MAPK8: variants seen among roughly 807,000 people sequenced by gnomAD.
The protein encoded by MAPK8 is mitogen-activated protein kinase 8.
MAPK8 carries 13 observed loss-of-function variants against 52.9 expected under a neutral mutation model. The ratio of observed to expected loss-of-function variants is 0.25; its 90% confidence interval spans 0.16 to 0.39. MAPK8 has a LOEUF of 0.39. Ranked by LOEUF, MAPK8 falls within the 10% of genes least tolerant of loss-of-function variation. The pLI is 1.00. For missense variants in MAPK8, 300 were observed against 519.2 expected (o/e 0.58, Z 4.10); for synonymous variants, 191 against 169.8 (o/e 1.12, Z -0.97).
intron 1 of MAPK8, among the ~76,000 whole-genome samples, chr10:48,323,065 C>T (rs1843142791): frequency 6.6e-6 from 1 of 151,860 alleles, no homozygotes; most frequent in African/African-American, 2.4e-5. Context: ...TCAGTTTTTC[C>T]TGAGGGTAAG....
chr10:48,367,668 C>G (rs1015619710), intron 1 of MAPK8, among the ~76,000 whole-genome samples: 1 of 152,066 alleles, frequency 6.6e-6, no homozygotes, highest in African/African-American at 2.4e-5. Context: ...AATCTGTAAA[C>G]TTGATGTTTC....
chr10:48,318,332 C>T (rs1008230938), intron 1 of MAPK8, among the ~76,000 whole-genome samples: 3 of 152,192 alleles, frequency 2.0e-5, no homozygotes, highest in Admixed American at 6.5e-5. Context: ...AATACCTTCA[C>T]AGCAACTACA....
At chr10:48,386,093 A>G (rs2041295516) in intron 1 of MAPK8, among the ~76,000 whole-genome samples, 1 of 152,158 alleles carries the variant, frequency 6.6e-6, no homozygotes, top group Non-Finnish European at 1.5e-5. Context: ...GCTATTCTTA[A>G]TTTGCAGTTT....
chr10:48,367,678 C>T (rs951353313), intron 1 of MAPK8, among the ~76,000 whole-genome samples: 4 of 152,008 alleles, frequency 2.6e-5, no homozygotes, highest in African/African-American at 7.2e-5. Context: ...CTTGATGTTT[C>T]GTAGTTGACA....
chr10:48,385,301 C>T (rs1357941331), intron 1 of MAPK8, among the ~76,000 whole-genome samples: 2 of 152,138 alleles, frequency 1.3e-5, no homozygotes, highest in African/African-American at 4.8e-5. Flanking sequence ...TCATAACCCT[C>T]ATGTTTAGTT....
At chr10:48,387,220 G>T (rs180696711) in intron 1 of MAPK8, among the ~76,000 whole-genome samples, 7 of 152,280 alleles carry the variant, frequency 4.6e-5, no homozygotes, top group Admixed American at 3.3e-4. Flanking sequence ...TAGTATACCT[G>T]CTAGAAAGAA....
intron 1 of MAPK8, among the ~76,000 whole-genome samples, chr10:48,321,766 T>C (rs1843018696): frequency 6.6e-6 from 1 of 152,212 alleles, no homozygotes; most frequent in African/African-American, 2.4e-5. Flanking sequence ...TTGAAAATAC[T>C]GTTCTTTCTT....
chr10:48,415,184 TC>T (rs1404877299), intron 5 of MAPK8, among the ~76,000 whole-genome samples: 1 of 152,170 alleles, frequency 6.6e-6, no homozygotes, highest in Non-Finnish European at 1.5e-5. Flanking sequence ...TATTTTATCT[TC>T]CTGAGCCCCT....
chr10:48,314,909 A>G (rs1402957083), intron 1 of MAPK8, among the ~76,000 whole-genome samples: 1 of 152,088 alleles, frequency 6.6e-6, no homozygotes, highest in Non-Finnish European at 1.5e-5. Context: ...TCTTCACCAG[A>G]TATCCATCCA....
chr10:48,310,755 A>G (rs370745681), intron 1 of MAPK8, among the ~76,000 whole-genome samples: 90 of 146,566 alleles, frequency 6.1e-4, no homozygotes, highest in Non-Finnish European at 1.2e-3. Context: ...GTGTGTGTGT[A>G]TGTGTGTATA....
At chr10:48,383,862 A>G (rs1226053588) in intron 1 of MAPK8, among the ~76,000 whole-genome samples, 3 of 152,214 alleles carry the variant, frequency 2.0e-5, no homozygotes, top group Non-Finnish European at 4.4e-5. Context: ...AGGTTCTTCT[A>G]AAGGGATGAC....
chr10:48,386,072 A>G (rs901634210), intron 1 of MAPK8, among the ~76,000 whole-genome samples: 1 of 152,142 alleles, frequency 6.6e-6, no homozygotes, highest in Non-Finnish European at 1.5e-5. Flanking sequence ...CATCTGGGAC[A>G]CTTCTCATTT....
At chr10:48,409,707 C>A (rs910752812) in intron 3 of MAPK8, among the ~76,000 whole-genome samples, 172 bp from the exon 4 acceptor site, 1 of 152,194 alleles carries the variant, frequency 6.6e-6, no homozygotes, top group Non-Finnish European at 1.5e-5. Context: ...CCTCCTCCAA[C>A]TCCTGCCCAT....
intron 2 of MAPK8, among the ~76,000 whole-genome samples, chr10:48,402,728 AT>A (rs938623053): frequency 6.6e-6 from 1 of 152,214 alleles, no homozygotes; most frequent in Admixed American, 6.5e-5. Flanking sequence ...ATAATCCAGT[AT>A]TTCTCCTAGG....
intron 1 of MAPK8, among the ~76,000 whole-genome samples, chr10:48,330,115 T>C (rs1368483976): frequency 2.0e-5 from 3 of 152,228 alleles, no homozygotes; most frequent in Non-Finnish European, 2.9e-5. Flanking sequence ...AAAAATCATA[T>C]TAGCTTACGT....
In MAPK8 at chr10:48,431,183, T is replaced by TG; in HGVS notation, c.1061-10_1061-9insG. Reference sequence around the variant, plus strand: ...TTTGAAAAGTTCATTTTTGTTTACTTCTTTTACAGAATTGATATATAAGGA... The same window carrying TG: ...TTTGAAAAGTTCATTTTTGTTTACTTGCTTTTACAGAATTGATATATAAGGA... On this transcript the variant is annotated splice_polypyrimidine_tract_variant and intron_variant, in intron 10 of 11. Transcript: ENST00000374189. The TG allele has an allele frequency of 6.3e-7, 1 of 1,579,232 alleles. No individual in the cohort carries two copies.
At chr10:48,383,593 C>T (rs1245566108) in intron 1 of MAPK8, among the ~76,000 whole-genome samples, 5 of 152,098 alleles carry the variant, frequency 3.3e-5, no homozygotes, top group Admixed American at 1.3e-4. Context: ...TGCATGTTAA[C>T]ATTTCAAACA....
In MAPK8 at chr10:48,434,963, G is replaced by A. The variant is rs750925995; in HGVS notation, c.1218G>A (p.Pro406=). Residue 406 remains proline (P), a synonymous_variant, in exon 12 of 12, where the codon CCG becomes CCA. Transcript: ENST00000374189. ...VNDVSSMSTD[P]TLASDTDSSL... ...ATGTGTCTTCAATGTCAACAGATCC[G>A]ACTTTGGCCTCTGATACAGACAGCA... 7.7e-6 allele frequency: 12 copies of A among 1,564,406 alleles called. No homozygotes were observed. The highest frequency in any genetic ancestry group is 1.7e-5 in the Admixed American group (1 of 58,062).
At chr10:48,397,938 G>A (rs1487800933) in intron 1 of MAPK8, among the ~76,000 whole-genome samples, 2 of 152,120 alleles carry the variant, frequency 1.3e-5, no homozygotes. Context: ...CTAATATAAA[G>A]TATGTGATAA....
Sources: allele counts gnomAD v4.1 joint callset (sites outside exome capture counted in the v4.1 genomes callset), GRCh38; gene constraint gnomAD v4.1.1; transcripts MANE v1.5; gene names NCBI Gene and HGNC (gene_info 2026-07-23, HGNC 2026-07-21).